The following ANO2 variants were observed in gnomAD, a reference collection of about 807,000 sequenced individuals.
ANO2 encodes anoctamin 2.
ANO2 carries 101 observed loss-of-function variants against 124.2 expected under a neutral mutation model. That is an observed-to-expected ratio of 0.81 (90% CI 0.69 to 0.96). The LOEUF (loss-of-function observed/expected upper bound fraction) is 0.96. Among genes scored for constraint, ANO2 ranks in the 40% least tolerant of loss-of-function variants. The probability of loss-of-function intolerance (pLI) is 0.00; values close to 1 mark genes in which losing one functional copy is unlikely to be tolerated. For missense variants in ANO2, 1,293 were observed against 1,274.5 expected (o/e 1.01, Z -0.22); for synonymous variants, 486 against 482.5 (o/e 1.01, Z -0.09).
At chr12:5,740,603 G>C (rs1340325760) in intron 12 of ANO2, 2 of 152,186 alleles carry the variant, frequency 1.3e-5, no homozygotes, top group Non-Finnish European at 2.9e-5. Flanking sequence ...CCTTAAGAAT[G>C]ACACAGATGA....
At chr12:5,829,674 T>G (rs1403659718) in intron 6 of ANO2, among the ~76,000 whole-genome samples, 2 of 152,214 alleles carry the variant, frequency 1.3e-5, no homozygotes, top group Admixed American at 1.3e-4. Flanking sequence ...CTTGGGCCCC[T>G]CTTTCTCTCT....
intron 7 of ANO2, among the ~76,000 whole-genome samples, chr12:5,822,469 G>A (rs1953833097): frequency 1.3e-5 from 2 of 152,212 alleles, no homozygotes; most frequent in South Asian, 4.1e-4. Context: ...CATGAACAAA[G>A]TGGCCATGGT....
intron 3 of ANO2, among the ~76,000 whole-genome samples, chr12:5,868,031 A>C (rs1955477039): frequency 2.0e-5 from 3 of 152,190 alleles, no homozygotes; most frequent in African/African-American, 7.2e-5. Context: ...ATAATAATTT[A>C]ATTGTATATT....
chr12:5,589,827 C>A (rs964549159), intron 20 of ANO2, among the ~76,000 whole-genome samples: 1 of 151,926 alleles, frequency 6.6e-6, no homozygotes, highest in Admixed American at 6.6e-5. Context: ...CTGTAGGGTG[C>A]GGAGGATTCA....
intron 1 of ANO2, among the ~76,000 whole-genome samples, chr12:5,944,404 G>T (rs149455877): frequency 1.7e-4 from 26 of 152,266 alleles, no homozygotes; most frequent in African/African-American, 5.8e-4. Context: ...AAAGTATCAG[G>T]ACTGTGACTG....
At chr12:5,692,078 T>C (rs1347280075) in intron 14 of ANO2, among the ~76,000 whole-genome samples, 2 of 152,048 alleles carry the variant, frequency 1.3e-5, no homozygotes, top group African/African-American at 4.8e-5. Flanking sequence ...TCACTTCAGC[T>C]AACGTATGGA....
intron 14 of ANO2, among the ~76,000 whole-genome samples, chr12:5,681,134 G>T (rs969418181): frequency 6.6e-6 from 1 of 152,186 alleles, no homozygotes; most frequent in Non-Finnish European, 1.5e-5. Flanking sequence ...TGCTCCATGT[G>T]GGGAGGTGAT....
intron 14 of ANO2, among the ~76,000 whole-genome samples, chr12:5,704,236 A>C (rs11836388): frequency 0.15 from 22,780 of 152,084 alleles, 1,816 homozygotes; most frequent in Middle Eastern, 0.23. Context: ...ATGTATGGGA[A>C]CCCTCACGAC....
At chr12:5,946,193 C>G (rs1311100933), upstream of ANO2, 1 of 1,613,500 alleles carries the variant, frequency 6.2e-7, no homozygotes, top group African/African-American at 1.3e-5. This position sits in a 1 kb window ranked among gnomAD's most constrained non-coding sequence, Gnocchi z 4.1. Context: ...ATAAGGTAGG[C>G]TGGTCATGAT....
chr12:5,566,759 A>G (rs1231363910), intron 23 of ANO2, among the ~76,000 whole-genome samples: 2 of 152,226 alleles, frequency 1.3e-5, no homozygotes, highest in Admixed American at 1.3e-4. Context: ...GGCTTGGAGA[A>G]GTTGAAGTGT....
chr12:5,940,386 C>T (rs529236446), intron 1 of ANO2, among the ~76,000 whole-genome samples: 32 of 152,326 alleles, frequency 2.1e-4, no homozygotes, highest in African/African-American at 7.0e-4. Context: ...AGTTCTCTAA[C>T]GTATGTTTTA....
chr12:5,702,609 A>C (rs1949450676), intron 14 of ANO2, among the ~76,000 whole-genome samples: 1 of 152,160 alleles, frequency 6.6e-6, no homozygotes. Flanking sequence ...GAAAACAATG[A>C]AATTGATCTC....
rs1946230880 is a variant in ANO2, at chr12:5,639,694, C to T, written c.1621-4347G>A. 2.0e-5 allele frequency among the ~76,000 whole-genome samples: 3 copies of T among 152,150 alleles called. No individual in the cohort carries two copies. The South Asian group carries it at 6.2e-4, about 32-fold the overall frequency. On this transcript the variant is annotated intron_variant, in intron 15 of 24. Transcript: ENST00000682330. ...GGGGACAGGTGGAGTGGGAGATGGG[C>T]AGGCAGCCAGGAGGGGGCCCTGTAG...
In ANO2 at chr12:5,828,466, A is replaced by G. The variant is rs867392164; in HGVS notation, c.841-646T>C. Among the ~76,000 whole-genome samples, 7 of 152,314 alleles carry G rather than the reference A, an allele frequency of 4.6e-5. No homozygotes were observed. In the South Asian group the frequency reaches 1.4e-3, roughly 32 times the overall value. ...AGTGCTCTGCAACAGCAAAGGAGCT[A>G]CCTCTATGTTGGTCATTGATGTCTT... On this transcript the variant is annotated intron_variant, in intron 6 of 24. Coordinates refer to ENST00000682330, the MANE Select transcript of ANO2 (RefSeq NM_001364791.2).
At chr12:5,727,729 C>G (rs1009019025) in intron 14 of ANO2, among the ~76,000 whole-genome samples, 2 of 151,096 alleles carry the variant, frequency 1.3e-5, no homozygotes, top group Non-Finnish European at 2.9e-5. Flanking sequence ...GCTCTGCCTC[C>G]CAGGTTCATG....
rs1186168335 is a variant in ANO2 at position 5,612,656 on chromosome 12, G to A, written c.2087C>T (p.Pro696Leu). Reference sequence around the variant, plus strand: ...GAGGTTAGAGGAGTTCATTACATACGGGACTCCAATCTCAAAGATGTTGTT... The same window carrying A: ...GAGGTTAGAGGAGTTCATTACATACAGGACTCCAATCTCAAAGATGTTGTT... ...IQNNIFEIGV[P>L]KLKKLFRKLK... The change falls in exon 19 of 25, where the codon CCG (proline) becomes CTG (leucine). Residue 696 changes from proline (P) to leucine (L), a missense_variant and splice_region_variant. By Grantham distance (98) the Pro-to-Leu change is moderately conservative. Transcript: ENST00000682330. 13 of 1,612,998 alleles carry A rather than the reference G, an allele frequency of 8.1e-6. No individual in the cohort carries two copies. Among genetic ancestry groups the A allele is most frequent in the Middle Eastern group, 3.3e-4 (2 of 6,060 alleles).
At chr12:5,941,999 C>CT (rs1942914338) in intron 1 of ANO2, among the ~76,000 whole-genome samples, 3 of 152,148 alleles carry the variant, frequency 2.0e-5, no homozygotes, top group African/African-American at 7.2e-5. Context: ...AACTGCACCT[C>CT]TAACAATGCT....
intron 14 of ANO2, among the ~76,000 whole-genome samples, chr12:5,661,758 G>A (rs981251386): frequency 6.6e-6 from 1 of 152,154 alleles, no homozygotes; most frequent in Non-Finnish European, 1.5e-5. Context: ...CTCAGAACCT[G>A]GGGGAGGGCC....
At chr12:5,582,811 C>T (rs1278377182) in intron 20 of ANO2, among the ~76,000 whole-genome samples, 3 of 152,116 alleles carry the variant, frequency 2.0e-5, no homozygotes, top group African/African-American at 4.8e-5. Flanking sequence ...TGTAATTTTC[C>T]TTTTCTTCTG....
Sources: allele counts gnomAD v4.1 joint callset (sites outside exome capture counted in the v4.1 genomes callset), GRCh38; gene constraint gnomAD v4.1.1; non-coding constraint Gnocchi (gnomAD v3.1); transcripts MANE v1.5; gene names NCBI Gene and HGNC (gene_info 2026-07-23, HGNC 2026-07-21).